Variants in KCNAB3 observed in about 807,000 individuals in gnomAD.
The protein encoded by KCNAB3 is voltage-gated potassium channel subunit beta-3.
In KCNAB3, 62 loss-of-function variants were observed where a neutral mutation model predicts 67.7. The ratio of observed to expected loss-of-function variants is 0.92; its 90% CI spans 0.75 to 1.13. The LOEUF is 1.13. KCNAB3 is among the 50% of genes most tolerant of loss of function. KCNAB3 has a pLI of 0.00. For synonymous variants in KCNAB3, 212 were observed against 205.4 expected (o/e 1.03, Z -0.27); for missense variants, 514 against 522.9 (o/e 0.98, Z 0.17).
At position 7,922,892 on chromosome 17, in the gene KCNAB3, C is replaced by T. The variant is rs549097762; in HGVS notation, c.*210G>A. On this transcript the variant is annotated 3_prime_UTR_variant, in exon 14 of 14. Transcript: ENST00000303790. ...GGGCCTAGAAAGACGCAGCAGGGGG[C>T]GGGCGTGCTACTTTCTCTCTCGACC... The T allele has an allele frequency of 6.8e-6, 4 of 586,916 alleles. No homozygotes were observed. In the Admixed American group the frequency reaches 8.8e-5, roughly 13 times the overall value. 36.4% of individuals were successfully genotyped at this position (586,916 alleles called of 1,614,324 possible).
At chr17:7,926,682 C>CT (rs369717873) in intron 4 of KCNAB3, among the ~76,000 whole-genome samples, 32 of 151,564 alleles carry the variant, frequency 2.1e-4, no homozygotes, top group Admixed American at 1.3e-3. Context: ...TCCTATTGCC[C>CT]TTTTTTTTTC....
In KCNAB3 at chr17:7,929,145, G is replaced by A. The variant is rs969216179; in HGVS notation, c.242+49C>T. Reference sequence around the variant, plus strand: ...GGCGGCCATCTCAAGCAGTCTCAGGGGTCCCGAAAGGAAAGCGGAAGGGGT... The same window carrying A: ...GGCGGCCATCTCAAGCAGTCTCAGGAGTCCCGAAAGGAAAGCGGAAGGGGT... On this transcript the variant is annotated intron_variant, in intron 1 of 13. Transcript: ENST00000303790. The surrounding 1 kb of genome is among the most constrained non-coding windows in gnomAD (Gnocchi z 5.7). 1 of 1,602,906 alleles carries A rather than the reference G, an allele frequency of 6.2e-7. No homozygotes were observed. Among genetic ancestry groups the A allele is most frequent in the Non-Finnish European group, 8.5e-7 (1 of 1,176,172 alleles).
rs542357066 is a variant in KCNAB3 at position 7,924,448 on chromosome 17, C to T, written c.678G>A (p.Trp226Ter). The change falls in exon 9 of 14, where the codon TGG becomes TGA. Residue 226 changes from tryptophan to a stop codon, truncating the protein, a stop_gained. Transcript: ENST00000303790. LOFTEE classifies it high-confidence loss of function. ...CTGCAGCCCCCCATCGGGATGTCCC[C>T]CAGTATAGGGCCAGGCCCTGGTTGA... ...YVINQGLALYWGTSRWGAAEI... is the reference protein window; with the variant it reads ...YVINQGLALY 2.2e-5 allele frequency: 36 copies of T among 1,613,986 alleles called. No individual in the cohort carries two copies. Among genetic ancestry groups the T allele is most frequent in the Non-Finnish European group, 2.9e-5 (34 of 1,179,986 alleles).
In KCNAB3 at chr17:7,923,164, T is replaced by C; in HGVS notation, c.1153A>G (p.Thr385Ala). The C allele has an allele frequency of 6.2e-7, 1 of 1,614,094 alleles. No homozygotes were observed. The highest frequency in any genetic ancestry group is 8.5e-7 in the Non-Finnish European group (1 of 1,179,984). ...LGALQVLSQL[T>A]PQTVMEIDGL... Reference sequence around the variant, plus strand: ...TCTATTTCCATCACTGTCTGCGGGGTCAGCTGGCTCAGCACCTGGAGGAGA... The same window carrying C: ...TCTATTTCCATCACTGTCTGCGGGGCCAGCTGGCTCAGCACCTGGAGGAGA... The change falls in exon 14 of 14, where the codon ACC (threonine) becomes GCC (alanine). Residue 385 changes from threonine to alanine, a missense_variant. Coordinates refer to ENST00000303790, the MANE Select transcript of KCNAB3 (RefSeq NM_004732.4).
chr17:7,929,843 A>C lies in KCNAB3; in HGVS notation c.-408T>G. Reference sequence around the variant, plus strand: ...CCGCTGGGCTCCCAGCCGCGTCGGCAGCGGGCCCAGCTCATCAGCATGCAG... The same window carrying C: ...CCGCTGGGCTCCCAGCCGCGTCGGCCGCGGGCCCAGCTCATCAGCATGCAG... On this transcript the variant is annotated 5_prime_UTR_variant, in exon 1 of 14. Transcript: ENST00000303790. The surrounding 1 kb of genome is among the most constrained non-coding windows in gnomAD (Gnocchi z 5.7). 1 of 1,076,448 alleles carries C rather than the reference A, an allele frequency of 9.3e-7. No homozygotes were observed. Among genetic ancestry groups the C allele is most frequent in the Non-Finnish European group, 1.1e-6 (1 of 886,252 alleles). 66.7% of individuals were successfully genotyped at this position (1,076,448 alleles called of 1,614,324 possible). A position where few individuals can be genotyped will look rare whatever the true frequency, so the allele number is the denominator to read the frequency against.
rs1030994466 is a variant in KCNAB3 at position 7,929,080 on chromosome 17, A to G, written c.242+114T>C. ...TGCCAGAGACAGAAAGAAGAGATGG[A>G]AAGAAGGGAGACCTACTTAGTGAAG... On this transcript the variant is annotated intron_variant, in intron 1 of 13. Coordinates refer to ENST00000303790, the MANE Select transcript of KCNAB3 (RefSeq NM_004732.4). This position sits in a 1 kb window ranked among gnomAD's most constrained non-coding sequence, Gnocchi z 5.7. 7 of 1,451,686 alleles carry G rather than the reference A, an allele frequency of 4.8e-6. No homozygotes were observed. Among genetic ancestry groups the G allele is most frequent in the Non-Finnish European group, 6.5e-6 (7 of 1,083,998 alleles). The allele number at this position is 1,451,686 out of a possible 1,614,324, so 89.9% of individuals were successfully genotyped here.
chr17:7,924,367 A>C, intron 9 of KCNAB3, 48 bp downstream of exon 9: 1 of 1,608,826 alleles, frequency 6.2e-7, no homozygotes, highest in South Asian at 1.1e-5. Context: ...CCACGTGAAA[A>C]GTGGGAACCA....
At chr17:7,924,706 T>C in intron 8 of KCNAB3, 3 of 1,352,728 alleles carry the variant, frequency 2.2e-6, no homozygotes, top group Non-Finnish European at 2.8e-6. Flanking sequence ...GAGCAGGGGC[T>C]GGCTTCCTGC....
intron 7 of KCNAB3, chr17:7,925,427 G>A (rs533616479): frequency 2.7e-5 from 16 of 597,584 alleles, no homozygotes; most frequent in East Asian, 8.4e-5. Flanking sequence ...TACTCGAGAC[G>A]CTGAGGTAGG....
In KCNAB3 at chr17:7,923,142, A is replaced by G; in HGVS notation, c.1175T>C (p.Ile392Thr). The G allele has an allele frequency of 1.2e-6, 2 of 1,614,078 alleles. No individual in the cohort carries two copies. The highest frequency in any genetic ancestry group is 1.7e-6 in the Non-Finnish European group (2 of 1,179,996). The part of the protein sequence containing the change: ...SQLTPQTVME[I>T]DGLLGNKPHS... ...CGGCTTGTTTCCCAGGAGCCCGTCT[A>G]TTTCCATCACTGTCTGCGGGGTCAG... Residue 392 changes from isoleucine (I) to threonine (T), a missense_variant, in exon 14 of 14, where the codon ATA becomes ACA. By Grantham distance (89) the Ile-to-Thr change is moderately conservative. Coordinates refer to ENST00000303790, the MANE Select transcript of KCNAB3 (RefSeq NM_004732.4).
chr17:7,925,077 T>C lies in KCNAB3; in HGVS notation c.625+20A>G. 1 of 1,604,858 alleles carries C rather than the reference T, an allele frequency of 6.2e-7. No homozygotes were observed. The highest frequency in any genetic ancestry group is 2.2e-5 in the East Asian group (1 of 44,460). ...TGCTCAGTTTTGAAGGACTGTAAGG[T>C]TTGGGGGTGCTGCTTTTACCCTCCA... is the stretch of plus-strand genomic sequence containing the variant. On this transcript the variant is annotated intron_variant, in intron 8 of 13. Coordinates refer to ENST00000303790, the MANE Select transcript of KCNAB3 (RefSeq NM_004732.4).
At position 7,923,045 on chromosome 17, in the gene KCNAB3, G is replaced by A; in HGVS notation, c.*57C>T. 2.6e-6 allele frequency: 4 copies of A among 1,534,384 alleles called. No individual in the cohort carries two copies. Among genetic ancestry groups the A allele is most frequent in the Non-Finnish European group, 3.6e-6 (4 of 1,108,250 alleles). ...CCGGAGCGGGAGAGGCGGCTGCGAG[G>A]AGCGGGGCTCGGGCGGGTGCAGCGA... On this transcript the variant is annotated 3_prime_UTR_variant, in exon 14 of 14. Transcript: ENST00000303790.
In KCNAB3 at chr17:7,929,652, G is replaced by T; in HGVS notation, c.-217C>A. The T allele has an allele frequency of 1.4e-6, 2 of 1,420,280 alleles. No individual in the cohort carries two copies. Among genetic ancestry groups the T allele is most frequent in the South Asian group, 1.5e-5 (1 of 66,884 alleles). The allele number at this position is 1,420,280 out of a possible 1,614,324, so 88.0% of individuals were successfully genotyped here. A position where few individuals can be genotyped will look rare whatever the true frequency, so the allele number is the denominator to read the frequency against. On this transcript the variant is annotated 5_prime_UTR_variant, in exon 1 of 14. Coordinates refer to ENST00000303790, the MANE Select transcript of KCNAB3 (RefSeq NM_004732.4). The surrounding 1 kb of genome is among the most constrained non-coding windows in gnomAD (Gnocchi z 5.7). ...GCGGGAGGGAAGAAACGTGGGGGGC[G>T]CCAGGAGTGGAGATATTCAGTTACG...
In KCNAB3 at chr17:7,929,181, GCCA is replaced by G; in HGVS notation, c.242+10_242+12del. Reference sequence around the variant, plus strand: ...GAAAGCGGAAGGGGTGGGCTGCCCGGCCACCCCCATACCTGTATTTCATGCCAG... The same window carrying G: ...GAAAGCGGAAGGGGTGGGCTGCCCGGCCCCCATACCTGTATTTCATGCCAG... On this transcript the variant is annotated intron_variant, in intron 1 of 13. Coordinates refer to ENST00000303790, the MANE Select transcript of KCNAB3 (RefSeq NM_004732.4). The surrounding 1 kb of genome is among the most constrained non-coding windows in gnomAD (Gnocchi z 5.7). The G allele has an allele frequency of 2.5e-6, 4 of 1,610,862 alleles. No individual in the cohort carries two copies. Among genetic ancestry groups the G allele is most frequent in the Middle Eastern group, 1.7e-4 (1 of 6,046 alleles).
At position 7,922,439 on chromosome 17, in the gene KCNAB3, C is replaced by T. The variant is rs1400905207; in HGVS notation, c.*663G>A. On this transcript the variant is annotated 3_prime_UTR_variant, in exon 14 of 14. Coordinates refer to ENST00000303790, the MANE Select transcript of KCNAB3 (RefSeq NM_004732.4). ...AGCCCAACTGTTTTCCAAGGACCAC[C>T]CCGGCCACTTTCACCAGACTGCAGC... is the stretch of plus-strand genomic sequence containing the variant. The T allele has an allele frequency of 6.6e-6, 1 of 152,262 alleles. No individual in the cohort carries two copies. Among genetic ancestry groups the T allele is most frequent in the African/African-American group, 2.4e-5 (1 of 41,440 alleles). 9.4% of individuals were successfully genotyped at this position (152,262 alleles called of 1,614,324 possible). A position where few individuals can be genotyped will look rare whatever the true frequency, so the allele number is the denominator to read the frequency against.
chr17:7,924,791 G>A (rs942112687), intron 8 of KCNAB3: 4 of 877,638 alleles, frequency 4.6e-6, no homozygotes, highest in African/African-American at 1.7e-5. Flanking sequence ...CACTCAGGAT[G>A]TAGTTCAGTG....
At chr17:7,923,626 T>C in intron 12 of KCNAB3, 82 bp from the exon 13 acceptor site, 1 of 1,553,258 alleles carries the variant, frequency 6.4e-7, no homozygotes, top group Non-Finnish European at 8.7e-7. Flanking sequence ...AAGACAAGCG[T>C]CCTCCCTAGG....
Position 7,927,384 on chromosome 17 carries a change from C to T in KCNAB3, c.364G>A (p.Val122Ile), listed in dbSNP as rs774038156. The T allele has an allele frequency of 2.5e-6, 4 of 1,614,002 alleles. No homozygotes were observed. In the South Asian group the frequency reaches 3.3e-5, roughly 13 times the overall value. Residue 122 changes from valine (V) to isoleucine (I), a missense_variant, in exon 4 of 14, where the codon GTA (valine) becomes ATA (isoleucine). Physicochemically the swap from Val to Ile is conservative, Grantham distance 29. Coordinates refer to ENST00000303790, the MANE Select transcript of KCNAB3 (RefSeq NM_004732.4). Reference protein sequence around the residue: ...DVLTVAYEHGVNLFDTAEVYA... With the variant: ...DVLTVAYEHGINLFDTAEVYA... ...ACTTCGGCGGTGTCAAACAGGTTTA[C>T]ACCATGCTCATAGGCTACAGTCAGC...
Position 7,927,696 on chromosome 17 carries a change from T to C in KCNAB3, c.287-2A>G, listed in dbSNP as rs755206528. ...GAGAACCAAATGTGACCCAGGTACCTGCAAGAGAGAAGCCAGGCACATGAG... is the reference window on the plus strand; with the variant it reads ...GAGAACCAAATGTGACCCAGGTACCCGCAAGAGAGAAGCCAGGCACATGAG... On this transcript the variant is annotated splice_acceptor_variant, in intron 2 of 13. Coordinates refer to ENST00000303790, the MANE Select transcript of KCNAB3 (RefSeq NM_004732.4). LOFTEE classifies it high-confidence loss of function. 6 of 1,614,198 alleles carry C rather than the reference T, an allele frequency of 3.7e-6. No individual in the cohort carries two copies. Among genetic ancestry groups the C allele is most frequent in the East Asian group, 4.5e-5 (2 of 44,888 alleles).
Sources: gnomAD v4.1 joint callset for allele counts (sites outside exome capture counted in the v4.1 genomes callset) on GRCh38, gnomAD v4.1.1 for gene constraint, Gnocchi (gnomAD v3.1) non-coding constraint, MANE v1.5 for transcripts, NCBI Gene and HGNC (gene_info 2026-07-23, HGNC 2026-07-21) for gene names.